Variants in JAKMIP2 observed in about 807,000 individuals in gnomAD.
The protein encoded by JAKMIP2 is janus kinase and microtubule interacting protein 2.
Under a neutral mutation model 115.0 loss-of-function variants are expected in JAKMIP2, and 25 were observed. The ratio of observed to expected loss-of-function variants is 0.22; its 90% confidence interval spans 0.16 to 0.30. The LOEUF (loss-of-function observed/expected upper bound fraction) is 0.30. Ranked by LOEUF, JAKMIP2 falls within the 10% of genes least tolerant of loss-of-function variation. The probability of loss-of-function intolerance (pLI) is 1.00; values close to 1 mark genes in which losing one functional copy is unlikely to be tolerated. For missense variants in JAKMIP2, 642 were observed against 957.6 expected (o/e 0.67, Z 4.35); for synonymous variants, 334 against 343.6 (o/e 0.97, Z 0.31).
At chr5:147,712,647 G>A (rs1354738115) in intron 1 of JAKMIP2, among the ~76,000 whole-genome samples, 1 of 152,088 alleles carries the variant, frequency 6.6e-6, no homozygotes, top group African/African-American at 2.4e-5. Flanking sequence ...CTTAGTGGAG[G>A]TGGGGGAGGG....
chr5:147,732,382 G>A (rs1394101105), intron 1 of JAKMIP2, among the ~76,000 whole-genome samples: 1 of 152,088 alleles, frequency 6.6e-6, no homozygotes, highest in African/African-American at 2.4e-5. Flanking sequence ...CCCCCATCTT[G>A]CTGGATAGAT....
At chr5:147,652,787 A>G (rs1758471396) in intron 3 of JAKMIP2, among the ~76,000 whole-genome samples, 3 of 152,052 alleles carry the variant, frequency 2.0e-5, no homozygotes, top group Admixed American at 1.3e-4. Flanking sequence ...GGCTTGCTGT[A>G]CCTATCAACC....
intron 1 of JAKMIP2, among the ~76,000 whole-genome samples, chr5:147,759,843 G>GGA (rs1754871240): frequency 1.3e-5 from 2 of 152,074 alleles, no homozygotes. Context: ...TTCTCTGTGA[G>GGA]GAGAATTTAC....
At chr5:147,742,805 G>A (rs1011351654) in intron 1 of JAKMIP2, among the ~76,000 whole-genome samples, 2 of 151,872 alleles carry the variant, frequency 1.3e-5, no homozygotes, top group African/African-American at 4.8e-5. Context: ...AGTTGTTAAT[G>A]ATCCCTACAC....
chr5:147,655,154 C>T lies in JAKMIP2; in HGVS notation c.628-4607G>A, dbSNP rs4334873. 7.1e-3 allele frequency among the ~76,000 whole-genome samples: 1,080 copies of T among 152,206 alleles called. 47 individuals carry two copies. The East Asian group carries it at 0.13, about 18-fold the overall frequency. Reference sequence around the variant, plus strand: ...ATCGATGTTCATCAGGGATATTGGCCTGAAGTTTTCTTTTTTTGTTGTCTC... The same window carrying T: ...ATCGATGTTCATCAGGGATATTGGCTTGAAGTTTTCTTTTTTTGTTGTCTC... On this transcript the variant is annotated intron_variant, in intron 3 of 21. Transcript: ENST00000616793.
chr5:147,661,954 T>G (rs17495305), intron 2 of JAKMIP2: 11,770 of 153,746 alleles, frequency 0.077, 574 homozygotes, highest in Middle Eastern at 0.17. Context: ...ATGTGTGTCT[T>G]AGAATAGCTC....
At position 147,664,021 on chromosome 5, in the gene JAKMIP2, G is replaced by A. The variant is rs114429796; in HGVS notation, c.130-2576C>T. On this transcript the variant is annotated intron_variant, in intron 2 of 21. Coordinates refer to ENST00000616793, the MANE Select transcript of JAKMIP2 (RefSeq NM_001270941.2). ...AAGAATGTAAAATATCTCCTTTATC[G>A]TTTTTATATTGCTTACATATTGAAA... Among the ~76,000 whole-genome samples, 1,229 of 152,144 alleles carry A rather than the reference G, an allele frequency of 8.1e-3. 20 individuals are homozygous for A. The highest frequency in any genetic ancestry group is 0.028 in the African/African-American group (1,162 of 41,498).
At position 147,604,138 on chromosome 5, in the gene JAKMIP2, T is replaced by C. The variant is rs982803714; in HGVS notation, c.2413-2327A>G. ...AAACAGGGAAGCTGAAAGCAATCCC[T>C]GCCTTCTGTGGGGCTTCCTGCCAAT... On this transcript the variant is annotated intron_variant, in intron 20 of 21. Coordinates refer to ENST00000616793, the MANE Select transcript of JAKMIP2 (RefSeq NM_001270941.2). 4.6e-5 allele frequency among the ~76,000 whole-genome samples: 7 copies of C among 152,226 alleles called. No individual in the cohort carries two copies. The South Asian group carries it at 6.2e-4, about 13-fold the overall frequency.
intron 21 of JAKMIP2, among the ~76,000 whole-genome samples, chr5:147,593,022 G>T (rs561571081): frequency 6.6e-6 from 1 of 152,196 alleles, no homozygotes; most frequent in East Asian, 1.9e-4. Context: ...ACGAAGAGGC[G>T]TAAAGATATT....
chr5:147,767,073 G>C (rs1755181858), intron 1 of JAKMIP2, among the ~76,000 whole-genome samples: 1 of 152,128 alleles, frequency 6.6e-6, no homozygotes, highest in South Asian at 2.1e-4. Flanking sequence ...ATTCCTTTAT[G>C]CATTGGATTG....
chr5:147,594,592 TCAAA>T, intron 21 of JAKMIP2: 1 of 307,178 alleles, frequency 3.3e-6, no homozygotes, highest in Non-Finnish European at 7.0e-6. Flanking sequence ...CCTCAGCCTC[TCAAA>T]ATGCTGTGAT....
At chr5:147,761,205 G>A (rs1368162517) in intron 1 of JAKMIP2, among the ~76,000 whole-genome samples, 1 of 152,040 alleles carries the variant, frequency 6.6e-6, no homozygotes, top group Non-Finnish European at 1.5e-5. Context: ...CAAAACCCCT[G>A]AGCTATTATA....
chr5:147,749,190 T>C (rs1250537618), intron 1 of JAKMIP2, among the ~76,000 whole-genome samples: 2 of 152,054 alleles, frequency 1.3e-5, no homozygotes, highest in Non-Finnish European at 2.9e-5. Flanking sequence ...GACAAACTGG[T>C]TGTCTTTTTG....
intron 21 of JAKMIP2, among the ~76,000 whole-genome samples, chr5:147,599,604 G>C (rs896699716): frequency 6.6e-6 from 1 of 152,190 alleles, no homozygotes; most frequent in African/African-American, 2.4e-5. Flanking sequence ...CACAAAATGG[G>C]AAAAGGTACA....
At chr5:147,614,942 T>C (rs367717994) in intron 19 of JAKMIP2, among the ~76,000 whole-genome samples, 10 of 152,204 alleles carry the variant, frequency 6.6e-5, no homozygotes, top group African/African-American at 2.4e-4. Flanking sequence ...GGATCGTAGG[T>C]ATCTTCAGAG....
chr5:147,654,878 T>G (rs549151663), intron 3 of JAKMIP2, among the ~76,000 whole-genome samples: 30 of 152,170 alleles, frequency 2.0e-4, no homozygotes, highest in Non-Finnish European at 3.7e-4. Flanking sequence ...TATTTTGAGG[T>G]TTGTTCCACC....
intron 1 of JAKMIP2, among the ~76,000 whole-genome samples, chr5:147,689,999 C>T (rs1160400889): frequency 6.6e-6 from 1 of 152,180 alleles, no homozygotes; most frequent in Non-Finnish European, 1.5e-5. Context: ...ATCTAGCCCA[C>T]ACCTGTGCAA....
Position 147,661,462 on chromosome 5 carries a change from G to A in JAKMIP2, c.130-17C>T, listed in dbSNP as rs752303883. 1.1e-5 allele frequency: 18 copies of A among 1,598,312 alleles called. No homozygotes were observed. The highest frequency in any genetic ancestry group is 3.5e-5 in the Admixed American group (2 of 57,862). On this transcript the variant is annotated splice_polypyrimidine_tract_variant and intron_variant, in intron 2 of 21. Coordinates refer to ENST00000616793, the MANE Select transcript of JAKMIP2 (RefSeq NM_001270941.2). ...CTTTGATACCTAAAAACAGAGAGGC[G>A]AAATGATGAAGAGAAATGAGCCTCA... is the stretch of plus-strand genomic sequence containing the variant.
chr5:147,714,018 C>A (rs1752875821), intron 1 of JAKMIP2, among the ~76,000 whole-genome samples: 1 of 152,094 alleles, frequency 6.6e-6, no homozygotes, highest in Non-Finnish European at 1.5e-5. Context: ...AAGCAAAAGA[C>A]AACTGACTTG....
Sources: gnomAD v4.1 joint callset for allele counts (sites outside exome capture counted in the v4.1 genomes callset) on GRCh38, gnomAD v4.1.1 for gene constraint, MANE v1.5 for transcripts, NCBI Gene and HGNC (gene_info 2026-07-23, HGNC 2026-07-21) for gene names.